Variants in VRK2 observed in about 807,000 individuals in gnomAD.
VRK2 encodes VRK serine/threonine kinase 2.
Under a neutral mutation model 57.6 loss-of-function variants are expected in VRK2, and 60 were observed. That is an observed-to-expected ratio of 1.04 (90% CI 0.85 to 1.29). The LOEUF (loss-of-function observed/expected upper bound fraction) is 1.29, where lower values mean the gene tolerates loss of function less well. Among genes scored for constraint, VRK2 ranks in the 50% most tolerant of loss-of-function variants. The pLI is 0.00. For missense variants in VRK2, 705 were observed against 588.1 expected (o/e 1.20, Z -2.06); for synonymous variants, 231 against 199.2 (o/e 1.16, Z -1.35).
At chr2:57,929,198 C>G (rs1351961299) in intron 1 of VRK2, among the ~76,000 whole-genome samples, 2 of 152,214 alleles carry the variant, frequency 1.3e-5, no homozygotes, top group Admixed American at 6.5e-5. Flanking sequence ...GGAGCCAGGA[C>G]TTGGAGTCAA....
chr2:57,946,242 A>G (rs1428360688), intron 1 of VRK2, among the ~76,000 whole-genome samples: 2 of 152,100 alleles, frequency 1.3e-5, no homozygotes, highest in East Asian at 3.8e-4. Flanking sequence ...TAATAAAACT[A>G]TGTTTTATTA....
chr2:58,107,408 C>A (rs1219591593), intron 7 of VRK2, among the ~76,000 whole-genome samples: 1 of 152,002 alleles, frequency 6.6e-6, no homozygotes, highest in Non-Finnish European at 1.5e-5. Flanking sequence ...TCTCTCTTTA[C>A]GCATGATATT....
rs1454190959 is a variant in VRK2, at chr2:58,080,454, A to AAAAT, written c.137-3633_137-3632insATAA. The stretch of plus-strand genomic sequence containing the variant: ...GCCTATACATTATGGGACTGTATTA[A>AAAAT]AATCTTTCACTATTTTTGTTGCAAT... On this transcript the variant is annotated intron_variant, in intron 2 of 12. Coordinates refer to ENST00000340157, the MANE Select transcript of VRK2 (RefSeq NM_006296.7). 1.4e-4 allele frequency among the ~76,000 whole-genome samples: 21 copies of AAAAT among 152,060 alleles called. No homozygotes were observed. The East Asian group carries it at 4.1e-3, about 29-fold the overall frequency.
chr2:58,155,007 A>C (rs1245012675), intron 12 of VRK2, among the ~76,000 whole-genome samples: 1 of 152,118 alleles, frequency 6.6e-6, no homozygotes, highest in Non-Finnish European at 1.5e-5. Flanking sequence ...ATGGTCTAAC[A>C]ATATAAATTT....
chr2:58,011,047 G>C (rs1202817695), intron 1 of VRK2, among the ~76,000 whole-genome samples: 1 of 152,146 alleles, frequency 6.6e-6, no homozygotes, highest in Non-Finnish European at 1.5e-5. Flanking sequence ...CCATACCTTG[G>C]AGGTCAGGTG....
At chr2:58,098,144 T>C (rs1573085300) in intron 7 of VRK2, among the ~76,000 whole-genome samples, 1 of 152,008 alleles carries the variant, frequency 6.6e-6, no homozygotes, top group Middle Eastern at 3.4e-3. Flanking sequence ...AAAATAAATA[T>C]AGAAAAAGCC....
rs775454184 is a variant in VRK2, at chr2:58,088,382, A to G, written c.386A>G (p.Gln129Arg). The change falls in exon 6 of 13, where the codon CAG (glutamine) becomes CGG (arginine). Residue 129 changes from glutamine (Q) to arginine (R), a missense_variant. Physicochemically the swap from Gln to Arg is conservative, Grantham distance 43. Coordinates refer to ENST00000340157, the MANE Select transcript of VRK2 (RefSeq NM_006296.7). ...MVMERLGIDLQKISGQNGTFK... is the reference protein window; with the variant it reads ...MVMERLGIDLRKISGQNGTFK... ...ATGGAAAGACTAGGAATAGATTTAC[A>G]GAAGATCTCAGGCCAGAATGGTACC... 95 of 1,613,414 alleles carry G rather than the reference A, an allele frequency of 5.9e-5. No individual in the cohort carries two copies. In the Middle Eastern group the frequency reaches 1.5e-3, roughly 25 times the overall value.
At chr2:58,057,685 A>G (rs1250555626) in intron 2 of VRK2, among the ~76,000 whole-genome samples, 2 of 152,204 alleles carry the variant, frequency 1.3e-5, no homozygotes, top group Admixed American at 6.5e-5. Flanking sequence ...TTAACAGAAA[A>G]TAAATTATTG....
chr2:57,985,448 C>T (rs1365469708), intron 1 of VRK2, among the ~76,000 whole-genome samples: 2 of 152,010 alleles, frequency 1.3e-5, no homozygotes, highest in African/African-American at 4.8e-5. Flanking sequence ...AATTCCATTC[C>T]TTCTCCAGTC....
chr2:58,098,658 T>C (rs1459516368), intron 7 of VRK2, among the ~76,000 whole-genome samples: 4 of 152,024 alleles, frequency 2.6e-5, no homozygotes, highest in African/African-American at 9.7e-5. Flanking sequence ...TGTAGAAGGC[T>C]GTACTATCAG....
At chr2:57,964,328 C>T (rs531575848) in intron 1 of VRK2, among the ~76,000 whole-genome samples, 6 of 152,182 alleles carry the variant, frequency 3.9e-5, no homozygotes, top group Admixed American at 1.3e-4. Flanking sequence ...ATTTACTATT[C>T]GTTCAGCGAA....
chr2:58,139,962 A>G, intron 11 of VRK2, 130 bp downstream of exon 11: 1 of 945,050 alleles, frequency 1.1e-6, no homozygotes, highest in South Asian at 2.1e-5. Context: ...CATTTTGCCT[A>G]ACTCAGCACC....
intron 12 of VRK2, among the ~76,000 whole-genome samples, chr2:58,156,995 A>G (rs1573456028): frequency 6.6e-6 from 1 of 152,172 alleles, no homozygotes; most frequent in Admixed American, 6.5e-5. Context: ...TAGTTCTGGC[A>G]GACAGTTAAC....
At chr2:58,092,329 T>A (rs1672496934) in intron 7 of VRK2, among the ~76,000 whole-genome samples, 1 of 152,176 alleles carries the variant, frequency 6.6e-6, no homozygotes, top group Admixed American at 6.5e-5. Context: ...GCTTTTGAGA[T>A]TTATCTTTGT....
intron 2 of VRK2, among the ~76,000 whole-genome samples, chr2:58,064,670 G>A (rs1435653367): frequency 6.6e-6 from 1 of 151,874 alleles, no homozygotes; most frequent in African/African-American, 2.4e-5. Context: ...CAAAATATCA[G>A]GATTCCAAGA....
chr2:58,018,045 C>G (rs1673638751), intron 1 of VRK2: 2 of 152,134 alleles, frequency 1.3e-5, no homozygotes, highest in South Asian at 2.1e-4. Context: ...GGCTGGAGTA[C>G]AGTGGCACGA....
At chr2:58,112,295 ATAAT>A (rs1196012491) in intron 7 of VRK2, among the ~76,000 whole-genome samples, 1 of 152,206 alleles carries the variant, frequency 6.6e-6, no homozygotes, top group Non-Finnish European at 1.5e-5. Flanking sequence ...ATTTAATGAA[ATAAT>A]TTGAGAAAGG....
intron 1 of VRK2, among the ~76,000 whole-genome samples, chr2:57,914,852 A>G (rs968326588): frequency 2.6e-5 from 4 of 152,150 alleles, no homozygotes; most frequent in Non-Finnish European, 5.9e-5. Context: ...CCAGGAACAG[A>G]GTAACCATTT....
chr2:58,106,738 G>C (rs915900737), intron 7 of VRK2, among the ~76,000 whole-genome samples: 1 of 151,208 alleles, frequency 6.6e-6, no homozygotes, highest in Non-Finnish European at 1.5e-5. Flanking sequence ...AGCACATGTT[G>C]CTTCCATCAA....
Sources: allele counts gnomAD v4.1 joint callset (sites outside exome capture counted in the v4.1 genomes callset), GRCh38; gene constraint gnomAD v4.1.1; transcripts MANE v1.5; gene names NCBI Gene and HGNC (gene_info 2026-07-23, HGNC 2026-07-21).